The following STXBP5L variants were observed in gnomAD, a reference collection of about 807,000 sequenced individuals.
STXBP5L encodes syntaxin-binding protein 5-like.
A neutral mutation model predicts 144.5 loss-of-function variants in STXBP5L; 65 were observed. The observed-to-expected ratio is 0.45, with a 90% CI of 0.37 to 0.55. The LOEUF is 0.55. STXBP5L is among the 20% of genes least tolerant of loss of function. The pLI, the probability that STXBP5L is intolerant of heterozygous loss-of-function variation, is 0.00. For missense variants in STXBP5L, 1,298 were observed against 1,405.5 expected (o/e 0.92, Z 1.22); for synonymous variants, 505 against 469.6 (o/e 1.08, Z -0.97).
intron 3 of STXBP5L, among the ~76,000 whole-genome samples, chr3:121,026,607 A>G (rs79451113): frequency 6.6e-6 from 1 of 151,932 alleles, no homozygotes; most frequent in Non-Finnish European, 1.5e-5. Context: ...CAGAGAAAAG[A>G]TGGATGACAA....
intron 22 of STXBP5L, among the ~76,000 whole-genome samples, chr3:121,394,075 A>G (rs1271908373): frequency 6.6e-6 from 1 of 151,818 alleles, no homozygotes; most frequent in Non-Finnish European, 1.5e-5. Context: ...ATGTTTTTTC[A>G]TTTGTTTGTG....
At chr3:121,108,690 T>A (rs2043830393) in intron 5 of STXBP5L, among the ~76,000 whole-genome samples, 1 of 152,194 alleles carries the variant, frequency 6.6e-6, no homozygotes, top group Non-Finnish European at 1.5e-5. Flanking sequence ...TAGTTGTATC[T>A]CTGCCAGGTT....
chr3:121,384,764 T>C (rs1010736365), intron 22 of STXBP5L, among the ~76,000 whole-genome samples: 6 of 152,032 alleles, frequency 3.9e-5, no homozygotes, highest in East Asian at 1.9e-4. Flanking sequence ...AATTTTATAA[T>C]TGTAAAAATC....
At chr3:121,390,074 A>G (rs2046538128) in intron 22 of STXBP5L, among the ~76,000 whole-genome samples, 1 of 152,158 alleles carries the variant, frequency 6.6e-6, no homozygotes, top group Non-Finnish European at 1.5e-5. Flanking sequence ...GTGCTCCCAT[A>G]TTGGGTTCAT....
At chr3:121,419,001 G>T in intron 26 of STXBP5L, 55 bp from the exon 27 acceptor site, 1 of 1,575,522 alleles carries the variant, frequency 6.3e-7, no homozygotes, top group South Asian at 1.2e-5. Flanking sequence ...GCCTTGCTTT[G>T]AATAGCACTT....
intron 20 of STXBP5L, among the ~76,000 whole-genome samples, chr3:121,351,033 C>T (rs2045259432): frequency 6.6e-6 from 1 of 151,202 alleles, no homozygotes; most frequent in Non-Finnish European, 1.5e-5. Flanking sequence ...AGGAGAGGCG[C>T]TCTGGTTTTT....
At chr3:120,967,194 G>A (rs1460907338) in intron 3 of STXBP5L, among the ~76,000 whole-genome samples, 2 of 152,094 alleles carry the variant, frequency 1.3e-5, no homozygotes, top group Admixed American at 1.3e-4. Context: ...GTTTTTCCAT[G>A]TAGTCTGTCA....
intron 9 of STXBP5L, among the ~76,000 whole-genome samples, chr3:121,193,795 A>G (rs1289810327): frequency 1.3e-5 from 2 of 152,074 alleles, no homozygotes; most frequent in Non-Finnish European, 2.9e-5. Context: ...GACACAGGAC[A>G]GGGAACATCA....
chr3:121,054,664 C>T (rs1393255983), intron 5 of STXBP5L, among the ~76,000 whole-genome samples: 1 of 151,682 alleles, frequency 6.6e-6, no homozygotes. Context: ...GGGTGCAGCA[C>T]ACCAACATGG....
intron 20 of STXBP5L, among the ~76,000 whole-genome samples, chr3:121,351,956 C>A (rs891958897): frequency 6.6e-6 from 1 of 152,074 alleles, no homozygotes; most frequent in South Asian, 2.1e-4. Context: ...TTCCCCATTT[C>A]TTATTTTTGT....
At chr3:121,076,551 T>A (rs2042026568) in intron 5 of STXBP5L, among the ~76,000 whole-genome samples, 1 of 152,114 alleles carries the variant, frequency 6.6e-6, no homozygotes, top group African/African-American at 2.4e-5. Context: ...TGAATTACAC[T>A]TAGCCAGGAG....
In STXBP5L at chr3:121,117,487, C is replaced by T. The variant is rs1026178131; in HGVS notation, c.605+2428C>T. On this transcript the variant is annotated intron_variant, in intron 6 of 26. Transcript: ENST00000471454. ...CTCCTGGAACTGTCTTTTCATTGCTCTCTACCTCTTGAGATACATTAGAAA... is the reference window on the plus strand; with the variant it reads ...CTCCTGGAACTGTCTTTTCATTGCTTTCTACCTCTTGAGATACATTAGAAA... Among the ~76,000 whole-genome samples the T allele has an allele frequency of 1.1e-4, 16 of 151,756 alleles. 2 individuals carry two copies. The highest frequency in any genetic ancestry group is 3.3e-4 in the Admixed American group (5 of 15,208).
chr3:121,031,106 G>A (rs553488900), intron 3 of STXBP5L, among the ~76,000 whole-genome samples: 1 of 152,200 alleles, frequency 6.6e-6, no homozygotes, highest in East Asian at 1.9e-4. Flanking sequence ...TAAGCAGCAA[G>A]CAGTTCGTGA....
At position 121,318,465 on chromosome 3, in the gene STXBP5L, G is replaced by C; in HGVS notation, c.2111-10G>C. On this transcript the variant is annotated splice_polypyrimidine_tract_variant and intron_variant, in intron 19 of 26. Coordinates refer to ENST00000471454, the MANE Select transcript of STXBP5L (RefSeq NM_001308330.2). ...AAAATTTATCTCATTTTTTTTCATT[G>C]TATTTTCAGGTTTAACTGAACTGAA... 6.5e-7 allele frequency: 1 copy of C among 1,534,280 alleles called. No homozygotes were observed. The highest frequency in any genetic ancestry group is 8.7e-7 in the Non-Finnish European group (1 of 1,144,656).
At chr3:121,348,440 A>C (rs1398171786) in intron 20 of STXBP5L, among the ~76,000 whole-genome samples, 1 of 151,944 alleles carries the variant, frequency 6.6e-6, no homozygotes, top group Admixed American at 6.6e-5. Context: ...TGTCTCTGTC[A>C]GGCTTTGGTA....
At chr3:121,263,250 A>G (rs1253565621) in intron 18 of STXBP5L, among the ~76,000 whole-genome samples, 1 of 152,192 alleles carries the variant, frequency 6.6e-6, no homozygotes, top group Admixed American at 6.5e-5. Context: ...AAGGAAAACT[A>G]ACAAACAGAA....
intron 18 of STXBP5L, among the ~76,000 whole-genome samples, chr3:121,266,578 C>T (rs112357849): frequency 0.019 from 2,935 of 152,226 alleles, 86 homozygotes; most frequent in African/African-American, 0.066. Flanking sequence ...GATAAGGATG[C>T]GGTCTCTCAC....
intron 20 of STXBP5L, among the ~76,000 whole-genome samples, chr3:121,356,813 G>A (rs1316841819): frequency 6.6e-6 from 1 of 152,068 alleles, no homozygotes; most frequent in African/African-American, 2.4e-5. Flanking sequence ...TTCCTATTTG[G>A]CCATCTTGGA....
Position 121,295,498 on chromosome 3 carries a change from T to C in STXBP5L, c.2110+15542T>C, listed in dbSNP as rs373254147. ...TATGTTGAAAATCAACTACTTTGAA[T>C]TGTAATTAGTAGGAAAAAATATGTT... is the stretch of plus-strand genomic sequence containing the variant. On this transcript the variant is annotated intron_variant, in intron 19 of 26. Transcript: ENST00000471454. Among the ~76,000 whole-genome samples, 4 of 152,178 alleles carry C rather than the reference T, an allele frequency of 2.6e-5. No individual in the cohort carries two copies. The South Asian group carries it at 8.3e-4, about 31-fold the overall frequency.
Sources: gnomAD v4.1 joint callset for allele counts (sites outside exome capture counted in the v4.1 genomes callset) on GRCh38, gnomAD v4.1.1 for gene constraint, MANE v1.5 for transcripts, NCBI Gene and HGNC (gene_info 2026-07-23, HGNC 2026-07-21) for gene names.